AFMID: variants seen among roughly 807,000 people sequenced by gnomAD.
AFMID encodes kynurenine formamidase.
AFMID carries 39 observed loss-of-function variants against 47.5 expected under a neutral mutation model. The observed-to-expected ratio is 0.82, with a 90% CI of 0.64 to 1.07. The LOEUF (loss-of-function observed/expected upper bound fraction) is 1.07. Ranked by LOEUF, AFMID falls within the 50% of genes least tolerant of loss-of-function variation. AFMID has a pLI of 0.00. For synonymous variants in AFMID, 130 were observed against 153.2 expected (o/e 0.85, Z 1.12); for missense variants, 375 against 387.5 (o/e 0.97, Z 0.27).
At chr17:78,202,134 C>T (rs2145872178) in intron 2 of AFMID, among the ~76,000 whole-genome samples, 1 of 151,862 alleles carries the variant, frequency 6.6e-6, no homozygotes, top group Non-Finnish European at 1.5e-5. Flanking sequence ...ATAGAAATTG[C>T]CGCCACCTGG....
intron 2 of AFMID, among the ~76,000 whole-genome samples, chr17:78,191,703 T>G (rs138722788): frequency 9.2e-5 from 14 of 151,964 alleles, no homozygotes; most frequent in African/African-American, 3.1e-4. Flanking sequence ...GCCTCTTTTT[T>G]TTTTGAGACT....
In AFMID at chr17:78,205,824, C is replaced by T. The variant is rs150407727; in HGVS notation, c.780+86C>T. ...CTTTCTTTTACCCAAGTGGACAAGA[C>T]CCTCCATCATTTATTTAACACGTAC... is the stretch of plus-strand genomic sequence containing the variant. On this transcript the variant is annotated intron_variant, in intron 9 of 10. Transcript: ENST00000409257. 259 of 1,595,228 alleles carry T rather than the reference C, an allele frequency of 1.6e-4. 1 individual carries two copies. The East Asian group carries it at 5.7e-3, about 35-fold the overall frequency.
In AFMID at chr17:78,207,123, C is replaced by T. The variant is rs538113995; in HGVS notation, c.*186C>T. The T allele has an allele frequency of 2.4e-5, 16 of 667,086 alleles. No individual in the cohort carries two copies. The highest frequency in any genetic ancestry group is 7.9e-5 in the Admixed American group (3 of 38,124). 41.3% of individuals were successfully genotyped at this position (667,086 alleles called of 1,614,324 possible). The stretch of plus-strand genomic sequence containing the variant: ...ACTCATGAAAATCTCCACGTCCTCC[C>T]TCTTCCCAGCCTGGATGGAGCTCCA... On this transcript the variant is annotated 3_prime_UTR_variant, in exon 11 of 11. Transcript: ENST00000409257.
intron 2 of AFMID, among the ~76,000 whole-genome samples, chr17:78,194,604 C>A (rs1243311339): frequency 6.6e-6 from 1 of 152,162 alleles, no homozygotes; most frequent in East Asian, 1.9e-4. Flanking sequence ...TGAGTATGGT[C>A]AGGGCGCAGG....
chr17:78,196,093 A>G (rs945262014), intron 2 of AFMID, among the ~76,000 whole-genome samples: 5 of 152,132 alleles, frequency 3.3e-5, no homozygotes, highest in African/African-American at 1.2e-4. Context: ...GCTGGGCTCC[A>G]TGGCTCATCC....
chr17:78,205,063 A>C, intron 6 of AFMID, 30 bp from the exon 7 acceptor site: 1 of 1,592,212 alleles, frequency 6.3e-7, no homozygotes, highest in Non-Finnish European at 8.6e-7. Flanking sequence ...ACTGCGTGCA[A>C]ATCCAGCTCT....
intron 2 of AFMID, among the ~76,000 whole-genome samples, chr17:78,194,371 C>T (rs768037811): frequency 2.1e-4 from 32 of 152,124 alleles, no homozygotes; most frequent in Non-Finnish European, 4.0e-4. Context: ...GTGATCTGCT[C>T]GCCTCCCAAA....
At chr17:78,188,004 G>A (rs1255585293) in intron 1 of AFMID, among the ~76,000 whole-genome samples, 6 of 146,622 alleles carry the variant, frequency 4.1e-5, no homozygotes, top group Admixed American at 2.0e-4. Context: ...TAGACCCGCA[G>A]GAGGTTAGGG....
At chr17:78,206,868 T>G in intron 10 of AFMID, 43 bp from the exon 11 acceptor site, 1 of 1,609,714 alleles carries the variant, frequency 6.2e-7, no homozygotes, top group South Asian at 1.1e-5. Context: ...TGCAAAGAGC[T>G]GCTCTGATTC....
intron 2 of AFMID, 74 bp downstream of exon 2, chr17:78,191,134 TG>T: frequency 1.1e-5 from 15 of 1,359,196 alleles, no homozygotes; most frequent in African/African-American, 1.4e-5. Context: ...TGCTGGGGGT[TG>T]GGGGGGCTGT....
chr17:78,193,737 C>T (rs1289886137), intron 2 of AFMID, among the ~76,000 whole-genome samples: 6 of 151,832 alleles, frequency 4.0e-5, no homozygotes, highest in African/African-American at 7.3e-5. Context: ...CAGCACTTTG[C>T]GGGGCTGAGG....
intron 2 of AFMID, among the ~76,000 whole-genome samples, chr17:78,198,286 C>T (rs975977757): frequency 6.6e-6 from 1 of 151,800 alleles, no homozygotes; most frequent in Non-Finnish European, 1.5e-5. Flanking sequence ...CGTGAAAACC[C>T]ATCTTTACTA....
chr17:78,191,153 C>G, intron 2 of AFMID, 93 bp downstream of exon 2: 1 of 1,105,754 alleles, frequency 9.0e-7, no homozygotes, highest in Non-Finnish European at 1.3e-6. Flanking sequence ...TGTGCTGCAC[C>G]ACCTGGGCCT....
Position 78,205,655 on chromosome 17 carries a change from G to A in AFMID, c.697G>A (p.Val233Met), listed in dbSNP as rs921605027. The change falls in exon 9 of 11, where the codon GTG becomes ATG. Residue 233 changes from valine to methionine, a missense_variant. Val to Met is a conservative substitution (Grantham distance 21). Transcript: ENST00000409257. ...GCTGAAGGTGGCCCAGGCACAGCCG[G>A]TGGACCCCACCTGCCGTGTGCTGGT... is the stretch of plus-strand genomic sequence containing the variant. ...PQLKVAQAQP[V>M]DPTCRVLVVV... 7 of 1,613,698 alleles carry A rather than the reference G, an allele frequency of 4.3e-6. No homozygotes were observed. The African/African-American group carries it at 8.0e-5, about 18-fold the overall frequency.
chr17:78,199,766 G>C (rs938832524), intron 2 of AFMID, among the ~76,000 whole-genome samples: 2 of 152,164 alleles, frequency 1.3e-5, no homozygotes, highest in Non-Finnish European at 2.9e-5. Flanking sequence ...TTAATACACG[G>C]AGCCCTTTCT....
chr17:78,203,971 C>G (rs1599013494), intron 4 of AFMID: 2 of 145,286 alleles, frequency 1.4e-5, no homozygotes, highest in East Asian at 4.1e-4. Context: ...TTGCAGTGAG[C>G]TAAGATCATG....
chr17:78,205,637 G>A lies in AFMID; in HGVS notation c.679G>A (p.Val227Met). Reference protein sequence around the residue: ...DAQRNSPQLKVAQAQPVDPTC... With the variant: ...DAQRNSPQLKMAQAQPVDPTC... ...TCAGAGGAATAGCCCCCAGCTGAAG[G>A]TGGCCCAGGCACAGCCGGTGGACCC... is the stretch of plus-strand genomic sequence containing the variant. The change falls in exon 9 of 11, where the codon GTG becomes ATG. Residue 227 changes from valine to methionine, a missense_variant. Coordinates refer to ENST00000409257, the MANE Select transcript of AFMID (RefSeq NM_001010982.5). 2 of 1,613,838 alleles carry A rather than the reference G, an allele frequency of 1.2e-6. No homozygotes were observed. The highest frequency in any genetic ancestry group is 1.7e-6 in the Non-Finnish European group (2 of 1,179,884).
Position 78,207,698 on chromosome 17 carries a change from C to G in AFMID, c.*761C>G, listed in dbSNP as rs2076417028. The G allele has an allele frequency of 6.6e-6, 1 of 152,214 alleles. No homozygotes were observed. Among genetic ancestry groups the G allele is most frequent in the African/African-American group, 2.4e-5 (1 of 41,440 alleles). 9.4% of individuals were successfully genotyped at this position (152,214 alleles called of 1,614,324 possible). On this transcript the variant is annotated 3_prime_UTR_variant, in exon 11 of 11. Transcript: ENST00000409257. ...GTTGATAAATAAAGTTGTATTGGAA[C>G]ACGGCCCTGCTCGTTCATTTACGTA...
chr17:78,206,832 C>G lies in AFMID; in HGVS notation c.886-79C>G, dbSNP rs1280198340. 6 of 1,529,810 alleles carry G rather than the reference C, an allele frequency of 3.9e-6. No individual in the cohort carries two copies. The African/African-American group carries it at 5.5e-5, about 14-fold the overall frequency. 94.8% of individuals were successfully genotyped at this position (1,529,810 alleles called of 1,614,324 possible). A position where few individuals can be genotyped will look rare whatever the true frequency, so the allele number is the denominator to read the frequency against. ...CAGACGTGAGCCACTGCATCCAGCC[C>G]TGTCTCATTTCCTTAATCAAATTCC... is the stretch of plus-strand genomic sequence containing the variant. On this transcript the variant is annotated intron_variant, in intron 10 of 10. Transcript: ENST00000409257.
Sources: allele counts gnomAD v4.1 joint callset (sites outside exome capture counted in the v4.1 genomes callset), GRCh38; gene constraint gnomAD v4.1.1; transcripts MANE v1.5; gene names NCBI Gene and HGNC (gene_info 2026-07-23, HGNC 2026-07-21).